The following LIMK1 variants were observed in gnomAD, a reference collection of about 807,000 sequenced individuals.
LIMK1 encodes LIM motif-containing protein kinase.
LIMK1 carries 21 observed loss-of-function variants against 77.6 expected under a neutral mutation model. That is an observed-to-expected ratio of 0.27 (90% CI 0.19 to 0.39). The LOEUF is 0.39. Ranked by LOEUF, LIMK1 falls within the 10% of genes least tolerant of loss-of-function variation. The pLI is 1.00. For missense variants in LIMK1, 696 were observed against 901.6 expected (o/e 0.77, Z 2.92); for synonymous variants, 358 against 370.0 (o/e 0.97, Z 0.37).
chr7:74,119,038 G>A (rs551018552), intron 13 of LIMK1, among the ~76,000 whole-genome samples: 29 of 152,078 alleles, frequency 1.9e-4, no homozygotes, highest in African/African-American at 6.7e-4. Flanking sequence ...TGGGACTACA[G>A]GCGCCCGCCA....
At chr7:74,112,353 C>T (rs1310580503) in intron 12 of LIMK1, among the ~76,000 whole-genome samples, 1 of 152,174 alleles carries the variant, frequency 6.6e-6, no homozygotes, top group South Asian at 2.1e-4. Flanking sequence ...CTACACCAGA[C>T]AGCACCAGCA....
chr7:74,099,051 A>G lies in LIMK1; in HGVS notation c.421A>G (p.Thr141Ala). Residue 141 changes from threonine (T) to alanine (A), a missense_variant, in exon 5 of 16, where the codon ACT (threonine) becomes GCT (alanine). This residue lies in a region of LIMK1 where 252 missense variants were observed against 279.4 expected (regional missense o/e 0.90). Coordinates refer to ENST00000336180, the MANE Select transcript of LIMK1 (RefSeq NM_002314.4). Reference protein sequence around the residue: ...KLYCGHCYYQTVVTPVIEQIL... With the variant: ...KLYCGHCYYQAVVTPVIEQIL... ...TTGCAGCGGGCACTGCTACTACCAGACTGTGGTGACCCCCGTCATCGAGCA... is the reference window on the plus strand; with the variant it reads ...TTGCAGCGGGCACTGCTACTACCAGGCTGTGGTGACCCCCGTCATCGAGCA... The G allele has an allele frequency of 6.2e-7, 1 of 1,612,142 alleles. No homozygotes were observed. Among genetic ancestry groups the G allele is most frequent in the Non-Finnish European group, 8.5e-7 (1 of 1,179,928 alleles).
At chr7:74,096,935 A>G in intron 3 of LIMK1, 145 bp from the exon 4 acceptor site, 1 of 1,044,492 alleles carries the variant, frequency 9.6e-7, no homozygotes, top group Non-Finnish European at 1.4e-6. Context: ...CTATGGAGCC[A>G]GCTCTGTCCA....
chr7:74,084,015 A>G lies in LIMK1; in HGVS notation c.25A>G (p.Thr9Ala). 1 of 1,487,554 alleles carries G rather than the reference A, an allele frequency of 6.7e-7. No homozygotes were observed. Among genetic ancestry groups the G allele is most frequent in the Non-Finnish European group, 9.0e-7 (1 of 1,112,708 alleles). 92.1% of individuals were successfully genotyped at this position (1,487,554 alleles called of 1,614,324 possible). A position where few individuals can be genotyped will look rare whatever the true frequency, so the allele number is the denominator to read the frequency against. The change falls in exon 1 of 16, where the codon ACC becomes GCC. Residue 9 changes from threonine to alanine, a missense_variant. Physicochemically the swap from Thr to Ala is moderately conservative, Grantham distance 58. This residue lies in a region of LIMK1 where 252 missense variants were observed against 279.4 expected (regional missense o/e 0.90). Coordinates refer to ENST00000336180, the MANE Select transcript of LIMK1 (RefSeq NM_002314.4). ...CATGAGGTTGACGCTACTTTGTTGCACCTGGAGGGAAGAACGTATGGGAGA... is the reference window on the plus strand; with the variant it reads ...CATGAGGTTGACGCTACTTTGTTGCGCCTGGAGGGAAGAACGTATGGGAGA... MRLTLLCC[T>A]WREERMGEEG...
chr7:74,112,543 T>C (rs1799722476), intron 12 of LIMK1, among the ~76,000 whole-genome samples: 1 of 151,826 alleles, frequency 6.6e-6, no homozygotes, highest in South Asian at 2.1e-4. Flanking sequence ...ACATGGGCAC[T>C]GTGGCTCACA....
intron 12 of LIMK1, among the ~76,000 whole-genome samples, chr7:74,113,364 G>A (rs1267554366): frequency 6.6e-6 from 1 of 151,668 alleles, no homozygotes; most frequent in Non-Finnish European, 1.5e-5. Context: ...TGTGGCTCAC[G>A]CCTGTAATCC....
At chr7:74,108,195 G>C (rs973370971) in intron 9 of LIMK1, among the ~76,000 whole-genome samples, 1 of 151,578 alleles carries the variant, frequency 6.6e-6, no homozygotes, top group African/African-American at 2.4e-5. Context: ...TAAATTAACC[G>C]AGCTTGGCAA....
chr7:74,099,730 AAAAAAT>A (rs1799417311), intron 5 of LIMK1, among the ~76,000 whole-genome samples: 3 of 152,244 alleles, frequency 2.0e-5, no homozygotes, highest in South Asian at 2.1e-4. Flanking sequence ...CTCTGTATCA[AAAAAAT>A]AAAAATAAAA....
At position 74,108,896 on chromosome 7, in the gene LIMK1, C is replaced by T; in HGVS notation, c.1153-9C>T. 1 of 1,611,760 alleles carries T rather than the reference C, an allele frequency of 6.2e-7. No homozygotes were observed. Among genetic ancestry groups the T allele is most frequent in the South Asian group, 1.1e-5 (1 of 90,976 alleles). The stretch of plus-strand genomic sequence containing the variant: ...AGAGCCCGGGCCCAGCCTGTTTGTG[C>T]CCCGCCAGGTGAAGGTCATGCGATG... On this transcript the variant is annotated splice_polypyrimidine_tract_variant and intron_variant, in intron 9 of 15. Transcript: ENST00000336180.
At chr7:74,090,659 A>G (rs1799218895) in intron 2 of LIMK1, among the ~76,000 whole-genome samples, 1 of 152,128 alleles carries the variant, frequency 6.6e-6, no homozygotes, top group Non-Finnish European at 1.5e-5. Context: ...CATTTCATGC[A>G]CTGAGACCTT....
At chr7:74,118,880 A>ATTTTGTT (rs200172259) in intron 13 of LIMK1, among the ~76,000 whole-genome samples, 168 of 152,042 alleles carry the variant, frequency 1.1e-3, no homozygotes, top group Middle Eastern at 6.8e-3. Context: ...TGTTTCGGGT[A>ATTTTGTT]TTTTGTTTTT....
intron 10 of LIMK1, chr7:74,109,385 T>G: frequency 3.6e-6 from 1 of 279,700 alleles, no homozygotes; most frequent in Non-Finnish European, 7.1e-6. Flanking sequence ...ATTCAGAGCT[T>G]TCCTTAAGGA....
At chr7:74,102,057 C>G (rs1057060815) in intron 5 of LIMK1, among the ~76,000 whole-genome samples, 1 of 152,076 alleles carries the variant, frequency 6.6e-6, no homozygotes, top group Non-Finnish European at 1.5e-5. Flanking sequence ...CTCCTGGGCT[C>G]AAGCAATCCT....
chr7:74,091,910 A>G (rs1389758535), intron 2 of LIMK1, among the ~76,000 whole-genome samples: 3 of 148,314 alleles, frequency 2.0e-5, no homozygotes, highest in African/African-American at 7.5e-5. Context: ...CCAGGGGTGC[A>G]TAGAGCCTTG....
At chr7:74,112,057 C>G in intron 12 of LIMK1, 59 bp downstream of exon 12, 1 of 1,374,162 alleles carries the variant, frequency 7.3e-7, no homozygotes, top group Non-Finnish European at 1.0e-6. Flanking sequence ...CCATCCAACC[C>G]CAGCCTCAGG....
Position 74,121,471 on chromosome 7 carries a change from C to A in LIMK1, c.*170C>A. 1 of 667,580 alleles carries A rather than the reference C, an allele frequency of 1.5e-6. No homozygotes were observed. The highest frequency in any genetic ancestry group is 2.5e-6 in the Non-Finnish European group (1 of 404,924). The allele number at this position is 667,580 out of a possible 1,614,324, so 41.4% of individuals were successfully genotyped here. ...GTGGACCGCTTCCCCTGCCTTCTCT[C>A]TGCCGTGGCCCAGAGCCGGCCCAGC... On this transcript the variant is annotated 3_prime_UTR_variant, in exon 16 of 16. Transcript: ENST00000336180.
chr7:74,086,050 T>A (rs949469805), intron 2 of LIMK1, among the ~76,000 whole-genome samples: 4 of 151,970 alleles, frequency 2.6e-5, no homozygotes, highest in Non-Finnish European at 4.4e-5. Context: ...ATTTATCTAT[T>A]TTTTTTTCTT....
rs143992870 is a variant in LIMK1 at position 74,099,724 on chromosome 7, G to A, written c.608+486G>A. ...GGCTGGGCAACAAGAGTGTAACTCT[G>A]TATCAAAAAAATAAAAATAAAAAAA... On this transcript the variant is annotated intron_variant, in intron 5 of 15. Transcript: ENST00000336180. Among the ~76,000 whole-genome samples the A allele has an allele frequency of 2.4e-3, 366 of 151,814 alleles. 1 individual carries two copies. Among genetic ancestry groups the A allele is most frequent in the Non-Finnish European group, 4.0e-3 (271 of 67,906 alleles).
At position 74,097,304 on chromosome 7, in the gene LIMK1, T is replaced by G. The variant is rs974001816; in HGVS notation, c.401+115T>G. On this transcript the variant is annotated intron_variant, in intron 4 of 15. Coordinates refer to ENST00000336180, the MANE Select transcript of LIMK1 (RefSeq NM_002314.4). The stretch of plus-strand genomic sequence containing the variant: ...GCCCTTTCCCATGGGGTGAGGTTTG[T>G]TGGGGCAAATGTTCATATCTCCTTT... The G allele has an allele frequency of 1.5e-5, 9 of 580,870 alleles. No homozygotes were observed. In the African/African-American group the frequency reaches 1.7e-4, roughly 11 times the overall value. 36.0% of individuals were successfully genotyped at this position (580,870 alleles called of 1,614,324 possible).
Sources: gnomAD v4.1 joint callset for allele counts (sites outside exome capture counted in the v4.1 genomes callset) on GRCh38, gnomAD v4.1.1 for gene constraint, gnomAD v4.1.1 regional missense constraint, MANE v1.5 for transcripts, NCBI Gene and HGNC (gene_info 2026-07-23, HGNC 2026-07-21) for gene names.